ANK3: variants seen among roughly 807,000 people sequenced by gnomAD.
The protein encoded by ANK3 is ankyrin 3, also known as ankyrin-3.
Under a neutral mutation model 370.9 loss-of-function variants are expected in ANK3, and 57 were observed. The ratio of observed to expected loss-of-function variants is 0.15; its 90% CI spans 0.12 to 0.19. The LOEUF is 0.19. Among genes scored for constraint, ANK3 ranks in the 10% least tolerant of loss-of-function variants. The pLI is 1.00. For synonymous variants in ANK3, 1,929 were observed against 1,946.3 expected, an observed-to-expected ratio of 0.99 and a Z score of 0.23; for missense variants, 4,439 against 5,302.1, an observed-to-expected ratio of 0.84 and a Z score of 5.06.
rs748833246 is a variant in ANK3, at chr10:60,082,569, T to G, written c.4323+46A>C. On this transcript the variant is annotated intron_variant, in intron 34 of 43. Transcript: ENST00000280772. ...CTTAATTGCATACCAAAGGCCCACTTCTTCAAGACCAGGGAAAGACAATTT... is the reference window on the plus strand; with the variant it reads ...CTTAATTGCATACCAAAGGCCCACTGCTTCAAGACCAGGGAAAGACAATTT... 5.0e-6 allele frequency: 8 copies of G among 1,596,422 alleles called. No individual in the cohort carries two copies. The Admixed American group carries it at 1.4e-4, about 28-fold the overall frequency.
chr10:60,678,287 C>T (rs900709948), intron 1 of ANK3, among the ~76,000 whole-genome samples: 1 of 151,990 alleles, frequency 6.6e-6, no homozygotes, highest in Non-Finnish European at 1.5e-5. Flanking sequence ...AATAGGTTAT[C>T]GTATGCTGAC....
chr10:60,451,576 A>C (rs890901186), intron 2 of ANK3, among the ~76,000 whole-genome samples: 10 of 152,324 alleles, frequency 6.6e-5, no homozygotes, highest in Non-Finnish European at 1.3e-4. Context: ...TGTAAGCTTC[A>C]CTTCCTACCC....
At chr10:60,707,322 T>G (rs2079634639) in intron 1 of ANK3, among the ~76,000 whole-genome samples, 1 of 152,160 alleles carries the variant, frequency 6.6e-6, no homozygotes, top group Admixed American at 6.5e-5. Context: ...ACCACTCACT[T>G]TAAAGCCCCA....
At chr10:60,348,678 G>T (rs1439770544) in intron 1 of ANK3, among the ~76,000 whole-genome samples, 1 of 152,184 alleles carries the variant, frequency 6.6e-6, no homozygotes, top group African/African-American at 2.4e-5. Context: ...AGCAGTAGTG[G>T]TGGTGTGGTA....
At chr10:60,609,660 C>A (rs1235703735) in intron 2 of ANK3, among the ~76,000 whole-genome samples, 1 of 151,894 alleles carries the variant, frequency 6.6e-6, no homozygotes, top group Non-Finnish European at 1.5e-5. Flanking sequence ...ACAATGCAGA[C>A]TGCTTGAAAA....
chr10:60,222,766 C>T (rs919087131), intron 8 of ANK3, among the ~76,000 whole-genome samples: 1 of 102,314 alleles, frequency 9.8e-6, no homozygotes, highest in Non-Finnish European at 2.1e-5. Context: ...GATAAGAGTC[C>T]CTCCGTTGTT....
intron 42 of ANK3, chr10:60,053,839 T>G: frequency 1.2e-6 from 1 of 832,240 alleles, no homozygotes; most frequent in Non-Finnish European, 1.6e-6. Context: ...CCTAAACATC[T>G]TTGGTTTTCT....
chr10:60,562,207 G>A (rs903606144), intron 2 of ANK3, among the ~76,000 whole-genome samples: 4 of 152,194 alleles, frequency 2.6e-5, no homozygotes, highest in Admixed American at 6.5e-5. Context: ...AGTGAAAGAT[G>A]AAAGTTTTAA....
At chr10:60,239,450 T>C (rs2097389087) in intron 7 of ANK3, among the ~76,000 whole-genome samples, 1 of 151,874 alleles carries the variant, frequency 6.6e-6, no homozygotes. Context: ...GGCCTCCTCA[T>C]CAGAAATTAT....
chr10:60,733,247 G>A (rs1021074992), intron 1 of ANK3: 18 of 1,240,724 alleles, frequency 1.5e-5, no homozygotes, highest in African/African-American at 7.7e-5. Context: ...AGGTAGGGGG[G>A]CGGCGCGGCG....
At chr10:60,487,720 A>ATTTTTT (rs10684114) in intron 2 of ANK3, among the ~76,000 whole-genome samples, 6,280 of 144,908 alleles carry the variant, frequency 0.043, 271 homozygotes, top group African/African-American at 0.099. Context: ...ATGATGTTGC[A>ATTTTTT]TTTTTTTTTT....
chr10:60,191,609 T>C (rs1204272689), intron 16 of ANK3, among the ~76,000 whole-genome samples: 1 of 152,182 alleles, frequency 6.6e-6, no homozygotes, highest in East Asian at 1.9e-4. Context: ...GAAAAGGAAA[T>C]GCTTATACAC....
chr10:60,218,236 A>G (rs1205413585), intron 8 of ANK3, among the ~76,000 whole-genome samples: 3 of 151,482 alleles, frequency 2.0e-5, no homozygotes, highest in African/African-American at 7.3e-5. Flanking sequence ...TCTTTACCCA[A>G]TTTGCCAGTC....
intron 16 of ANK3, among the ~76,000 whole-genome samples, chr10:60,192,599 A>G (rs1277207272): frequency 2.0e-5 from 3 of 152,184 alleles, no homozygotes; most frequent in Non-Finnish European, 4.4e-5. Context: ...TAACTGAGAA[A>G]GTCAAATACT....
intron 43 of ANK3, among the ~76,000 whole-genome samples, chr10:60,039,076 C>CAGACTGGGAGATCCAGAA (rs1426721038): frequency 1.3e-5 from 2 of 152,200 alleles, no homozygotes; most frequent in Non-Finnish European, 2.9e-5. Flanking sequence ...TTTCCCATTG[C>CAGACTGGGAGATCCAGAA]AGACTGGGAG....
chr10:60,260,317 G>GA (rs1170285547), intron 7 of ANK3, among the ~76,000 whole-genome samples: 2 of 152,108 alleles, frequency 1.3e-5, no homozygotes, highest in Non-Finnish European at 2.9e-5. Context: ...GTATACGTGA[G>GA]ATAAAATGCA....
At chr10:60,556,358 C>T (rs2077207202) in intron 2 of ANK3, among the ~76,000 whole-genome samples, 1 of 152,014 alleles carries the variant, frequency 6.6e-6, no homozygotes, top group South Asian at 2.1e-4. Flanking sequence ...GAACAGTTGA[C>T]ATGTTGTGTT....
At chr10:60,116,778 GA>G (rs56179712) in intron 25 of ANK3, among the ~76,000 whole-genome samples, 1 of 151,318 alleles carries the variant, frequency 6.6e-6, no homozygotes, top group Non-Finnish European at 1.5e-5. Context: ...GTCCTAGAAA[GA>G]AAAAAAATTG....
At chr10:60,153,487 A>C (rs1279765406) in intron 23 of ANK3, among the ~76,000 whole-genome samples, 2 of 151,966 alleles carry the variant, frequency 1.3e-5, no homozygotes, top group African/African-American at 4.8e-5. Context: ...ATTGCATAAA[A>C]CTCAGATTTT....
Sources: gnomAD v4.1 joint callset for allele counts (sites outside exome capture counted in the v4.1 genomes callset) on GRCh38, gnomAD v4.1.1 for gene constraint, MANE v1.5 for transcripts, NCBI Gene and HGNC (gene_info 2026-07-23, HGNC 2026-07-21) for gene names.